ABLIM1: variants seen among roughly 807,000 people sequenced by gnomAD.
ABLIM1 encodes the protein actin-binding LIM protein 1.
A neutral mutation model predicts 107.0 loss-of-function variants in ABLIM1; 40 were observed. The observed-to-expected ratio is 0.37, with a 90% CI of 0.29 to 0.49. The LOEUF (loss-of-function observed/expected upper bound fraction) is 0.49, where lower values mean the gene tolerates loss of function less well. Among genes scored for constraint, ABLIM1 ranks in the 20% least tolerant of loss-of-function variants. The pLI is 0.97. For synonymous variants in ABLIM1, 357 were observed against 357.3 expected, an observed-to-expected ratio of 1.00 and a Z score of 0.01; for missense variants, 857 against 1,008.5, an observed-to-expected ratio of 0.85 and a Z score of 2.04.
At chr10:114,462,757 T>TA (rs747182685) in intron 12 of ABLIM1, among the ~76,000 whole-genome samples, 2 of 60,404 alleles carry the variant, frequency 3.3e-5, no homozygotes, top group Admixed American at 1.8e-4. Flanking sequence ...AAAATAATAA[T>TA]ATATATATAT....
chr10:114,798,920 C>G, the ABLIM1 span, among the ~76,000 whole-genome samples: 2 of 152,042 alleles, frequency 1.3e-5, no homozygotes, highest in Admixed American at 6.6e-5. Flanking sequence ...CTCAGCCTCC[C>G]AAGTAGCTGG....
chr10:114,541,698 T>G (rs1051175749), intron 6 of ABLIM1, among the ~76,000 whole-genome samples: 1 of 152,238 alleles, frequency 6.6e-6, no homozygotes, highest in Non-Finnish European at 1.5e-5. Flanking sequence ...CTCCAAGTCT[T>G]AGGCCTCACA....
chr10:114,665,044 G>C (rs2079964201), intron 1 of ABLIM1, among the ~76,000 whole-genome samples: 1 of 151,848 alleles, frequency 6.6e-6, no homozygotes, highest in African/African-American at 2.4e-5. Context: ...GTGAACCCGG[G>C]AGGTGGAGCT....
At chr10:114,708,120 G>A (rs808261) in intron 1 of ABLIM1, among the ~76,000 whole-genome samples, 8,176 of 152,198 alleles carry the variant, frequency 0.054, 246 homozygotes, top group Middle Eastern at 0.086. Flanking sequence ...TCACTAAGGA[G>A]AAGAGCGTTT....
At position 114,721,628 on chromosome 10, in the gene ABLIM1, T is replaced by C. The variant is rs531756836; in HGVS notation, c.-213+46433A>G. 1.2e-4 allele frequency among the ~76,000 whole-genome samples: 18 copies of C among 152,164 alleles called. No homozygotes were observed. In the South Asian group the frequency reaches 3.7e-3, roughly 32 times the overall value. The stretch of plus-strand genomic sequence containing the variant: ...TCCCGAGTAGCTGAGATTACAGGCA[T>C]GCACCACTACGTCTGGCTAATTTTT... On this transcript the variant is annotated intron_variant, in intron 1 of 15. Coordinates refer to the ABLIM1 transcript ENST00000651092.
intron 2 of ABLIM1, among the ~76,000 whole-genome samples, chr10:114,598,626 A>T (rs1338012195): frequency 6.6e-6 from 1 of 152,012 alleles, no homozygotes; most frequent in Non-Finnish European, 1.5e-5. Flanking sequence ...CAAACAAAAA[A>T]AGAAATGTGT....
intron 2 of ABLIM1, among the ~76,000 whole-genome samples, chr10:114,595,619 T>C (rs551758284): frequency 2.0e-5 from 3 of 152,346 alleles, no homozygotes; most frequent in African/African-American, 7.2e-5. Flanking sequence ...CCTGCAGCCA[T>C]GTTCTACTCC....
In ABLIM1 at chr10:114,759,921, T is replaced by C. The variant is rs148563760; in HGVS notation, c.-213+8140A>G. ...ATCCCAGGTGGAATTATAACTTATA[T>C]AGTATATGTAAATATATACTTAAAT... On this transcript the variant is annotated intron_variant, in intron 1 of 15. Coordinates refer to the ABLIM1 transcript ENST00000651092. Among the ~76,000 whole-genome samples the C allele has an allele frequency of 6.9e-3, 1,049 of 152,276 alleles. 6 individuals are homozygous for C. The highest frequency in any genetic ancestry group is 0.024 in the African/African-American group (1,014 of 41,550).
At chr10:114,574,724 G>A (rs779422068) in intron 3 of ABLIM1, among the ~76,000 whole-genome samples, 1 of 152,202 alleles carries the variant, frequency 6.6e-6, no homozygotes, top group Non-Finnish European at 1.5e-5. Flanking sequence ...TTATAAGGGT[G>A]AGCCACCACG....
chr10:114,708,678 G>A (rs903256353), intron 1 of ABLIM1, among the ~76,000 whole-genome samples: 3 of 152,126 alleles, frequency 2.0e-5, no homozygotes, highest in African/African-American at 7.2e-5. Context: ...TAAGAAAGAG[G>A]AAAGAAGAGC....
chr10:114,509,274 C>T (rs2061538505), intron 6 of ABLIM1, among the ~76,000 whole-genome samples: 1 of 152,142 alleles, frequency 6.6e-6, no homozygotes, highest in African/African-American at 2.4e-5. Context: ...CAGGACGAGT[C>T]AGGGTGAGGC....
chr10:114,448,732 G>A (rs1160579088), intron 14 of ABLIM1, among the ~76,000 whole-genome samples: 1 of 152,050 alleles, frequency 6.6e-6, no homozygotes, highest in Non-Finnish European at 1.5e-5. Flanking sequence ...TCCTGCCTCA[G>A]CCTCCCAAGT....
intron 1 of ABLIM1, among the ~76,000 whole-genome samples, chr10:114,759,172 C>T (rs1046365189): frequency 6.6e-6 from 1 of 152,088 alleles, no homozygotes; most frequent in African/African-American, 2.4e-5. Context: ...TAAGGATATA[C>T]CATCCAAAAC....
chr10:114,472,998 C>T lies in ABLIM1; in HGVS notation c.1254G>A (p.Gln418=). ...TTACCTCTCCAAGGCTCTGTCTCTCCTGTTTGTCATCATAGCCCGAAGTGT... is the reference window on the plus strand; with the variant it reads ...TTACCTCTCCAAGGCTCTGTCTCTCTTGTTTGTCATCATAGCCCGAAGTGT... The part of the protein sequence containing the change: ...PFYTSGYDDK[Q]ERQSLGESPR... The change falls in exon 10 of 23, where the codon CAG becomes CAA. Residue 418 remains glutamine (Q), a synonymous_variant. Transcript: ENST00000533213. 1 of 1,604,768 alleles carries T rather than the reference C, an allele frequency of 6.2e-7. No homozygotes were observed. Among genetic ancestry groups the T allele is most frequent in the Non-Finnish European group, 8.5e-7 (1 of 1,174,862 alleles).
At chr10:114,465,485 T>C (rs2064959568) in intron 12 of ABLIM1, 1 of 481,770 alleles carries the variant, frequency 2.1e-6, no homozygotes, top group Admixed American at 4.5e-5. Flanking sequence ...ATATAATTAT[T>C]TAATAAATCA....
Position 114,512,911 on chromosome 10 carries a change from A to G in ABLIM1, c.895-21033T>C, listed in dbSNP as rs61867865. The stretch of plus-strand genomic sequence containing the variant: ...AGGAAGGAAGGAAGGAAGGAAGGAA[A>G]GAAAGAGAGAAAGAAAGAGAGAAAG... On this transcript the variant is annotated intron_variant, in intron 6 of 22. Coordinates refer to ENST00000533213, the MANE Select transcript of ABLIM1 (RefSeq NM_002313.7). Among the ~76,000 whole-genome samples the G allele has an allele frequency of 3.0e-3, 408 of 136,384 alleles. 2 individuals are homozygous for G. Among genetic ancestry groups the G allele is most frequent in the African/African-American group, 0.011 (374 of 33,680 alleles). 89.5% of individuals were successfully genotyped at this position (136,384 alleles called of 152,430 possible).
At chr10:114,531,975 C>T (rs2065496585) in intron 6 of ABLIM1, among the ~76,000 whole-genome samples, 1 of 152,070 alleles carries the variant, frequency 6.6e-6, no homozygotes, top group South Asian at 2.1e-4. Flanking sequence ...CCATCATGCC[C>T]AGCTAATTTT....
chr10:114,575,738 T>C (rs2072441232), intron 2 of ABLIM1, 139 bp from the exon 3 acceptor site: 2 of 868,288 alleles, frequency 2.3e-6, no homozygotes, highest in Non-Finnish European at 3.4e-6. Flanking sequence ...CAAAGAGCTA[T>C]TTATTATTGG....
chr10:114,553,388 G>C (rs999827832), intron 4 of ABLIM1, among the ~76,000 whole-genome samples: 7 of 152,194 alleles, frequency 4.6e-5, no homozygotes, highest in African/African-American at 1.4e-4. Context: ...AACCTCCGAG[G>C]TGAGAACGAT....
Sources: allele counts gnomAD v4.1 joint callset (sites outside exome capture counted in the v4.1 genomes callset), GRCh38; gene constraint gnomAD v4.1.1; transcripts MANE v1.5; gene names NCBI Gene and HGNC (gene_info 2026-07-23, HGNC 2026-07-21).